The following CWC27 variants were observed in gnomAD, a reference collection of about 807,000 sequenced individuals.
CWC27 encodes CWC27 spliceosome associated cyclophilin, also known as spliceosome-associated protein CWC27 homolog.
Under a neutral mutation model 63.6 loss-of-function variants are expected in CWC27, and 47 were observed. The observed-to-expected ratio is 0.74, with a 90% confidence interval of 0.58 to 0.94. The LOEUF is 0.94. Among genes scored for constraint, CWC27 ranks in the 40% least tolerant of loss-of-function variants. CWC27 has a pLI of 0.00. For synonymous variants in CWC27, 175 were observed against 179.8 expected (o/e 0.97, Z 0.22); for missense variants, 495 against 554.3 (o/e 0.89, Z 1.07).
At chr5:64,850,864 T>A (rs1746115414) in intron 10 of CWC27, among the ~76,000 whole-genome samples, 1 of 151,526 alleles carries the variant, frequency 6.6e-6, no homozygotes, top group Admixed American at 6.6e-5. Context: ...TGATGAGATA[T>A]CACCTCACAC....
At chr5:64,832,399 T>A (rs183164214) in intron 10 of CWC27, among the ~76,000 whole-genome samples, 1 of 151,998 alleles carries the variant, frequency 6.6e-6, no homozygotes, top group East Asian at 1.9e-4. Context: ...TATTATTGTC[T>A]ACTAATAGTT....
intron 13 of CWC27, among the ~76,000 whole-genome samples, chr5:64,997,109 T>C (rs1749647939): frequency 6.6e-6 from 1 of 152,150 alleles, no homozygotes; most frequent in Admixed American, 6.5e-5. Context: ...ATTCAGAAAG[T>C]TATTTAAAAG....
At chr5:64,887,552 G>A (rs1036904978) in intron 11 of CWC27, among the ~76,000 whole-genome samples, 1 of 152,040 alleles carries the variant, frequency 6.6e-6, no homozygotes, top group African/African-American at 2.4e-5. Flanking sequence ...ATTTTTAGTA[G>A]AGACAGGGTT....
intron 13 of CWC27, among the ~76,000 whole-genome samples, chr5:64,991,954 C>T (rs914669868): frequency 6.6e-6 from 1 of 152,084 alleles, no homozygotes; most frequent in Non-Finnish European, 1.5e-5. Context: ...TAAAATTATA[C>T]AGAATAACCG....
intron 10 of CWC27, among the ~76,000 whole-genome samples, chr5:64,815,279 G>A (rs1382301011): frequency 6.6e-6 from 1 of 152,112 alleles, no homozygotes; most frequent in East Asian, 1.9e-4. Context: ...ACATCCTGAT[G>A]GGCAGCTGTG....
intron 10 of CWC27, among the ~76,000 whole-genome samples, chr5:64,852,277 G>C (rs573250797): frequency 1.5e-3 from 224 of 152,246 alleles, no homozygotes; most frequent in African/African-American, 5.1e-3. Flanking sequence ...ACTTTAGGTT[G>C]TATACATACT....
chr5:64,878,498 A>AAAAAAAAAC (rs1746852249), intron 10 of CWC27, among the ~76,000 whole-genome samples: 1 of 145,820 alleles, frequency 6.9e-6, no homozygotes, highest in African/African-American at 2.6e-5. Flanking sequence ...AAAAAAAAAA[A>AAAAAAAAAC]AAGCACCTGT....
chr5:64,901,719 A>G (rs1033370524), intron 11 of CWC27, among the ~76,000 whole-genome samples: 3 of 152,176 alleles, frequency 2.0e-5, no homozygotes, highest in Non-Finnish European at 4.4e-5. Context: ...GAACTTTTTA[A>G]TTTTTAACTT....
At chr5:64,900,471 A>C (rs1347640696) in intron 11 of CWC27, among the ~76,000 whole-genome samples, 2 of 152,098 alleles carry the variant, frequency 1.3e-5, no homozygotes, top group African/African-American at 2.4e-5. Flanking sequence ...CCTTTATCAG[A>C]TATATGATTT....
chr5:64,995,372 T>A lies in CWC27; in HGVS notation c.1256+18134T>A, dbSNP rs188932340. Among the ~76,000 whole-genome samples the A allele has an allele frequency of 8.0e-3, 1,224 of 152,352 alleles. 11 individuals are homozygous for A. Among genetic ancestry groups the A allele is most frequent in the Admixed American group, 0.017 (260 of 15,302 alleles). On this transcript the variant is annotated intron_variant, in intron 13 of 13. Coordinates refer to ENST00000381070, the MANE Select transcript of CWC27 (RefSeq NM_005869.4). Reference sequence around the variant, plus strand: ...TGTTTTGTTAACATGGAGTTTTAAATATTTGCATTGCTAAATTTGCTGATC... The same window carrying A: ...TGTTTTGTTAACATGGAGTTTTAAAAATTTGCATTGCTAAATTTGCTGATC...
At chr5:64,814,954 A>G (rs1488575233) in intron 10 of CWC27, among the ~76,000 whole-genome samples, 1 of 152,090 alleles carries the variant, frequency 6.6e-6, no homozygotes, top group African/African-American at 2.4e-5. Context: ...GATTGGATGT[A>G]GGAGACCTGA....
chr5:64,967,813 A>G (rs902502412), intron 11 of CWC27, among the ~76,000 whole-genome samples: 3 of 152,056 alleles, frequency 2.0e-5, no homozygotes, highest in Non-Finnish European at 4.4e-5. Context: ...ATTTTATATT[A>G]CTAAGAGAAA....
chr5:64,883,055 A>C (rs1207455156), intron 10 of CWC27, among the ~76,000 whole-genome samples: 1 of 152,196 alleles, frequency 6.6e-6, no homozygotes, highest in Non-Finnish European at 1.5e-5. Flanking sequence ...GGCCTCAGGA[A>C]ACTTACAATC....
chr5:64,789,984 T>C (rs1205199630), intron 7 of CWC27, among the ~76,000 whole-genome samples: 2 of 152,164 alleles, frequency 1.3e-5, no homozygotes, highest in East Asian at 3.9e-4. Context: ...ATATGTTCCC[T>C]TATTAGTGAG....
chr5:64,868,901 T>A (rs1424885343), intron 10 of CWC27, among the ~76,000 whole-genome samples: 1 of 152,022 alleles, frequency 6.6e-6, no homozygotes, highest in Non-Finnish European at 1.5e-5. Context: ...CCCTTCCCTC[T>A]GTCAAATTTC....
At chr5:64,957,286 T>C (rs1200837972) in intron 11 of CWC27, among the ~76,000 whole-genome samples, 2 of 152,176 alleles carry the variant, frequency 1.3e-5, no homozygotes, top group African/African-American at 4.8e-5. Flanking sequence ...TGAAGAATTT[T>C]TTTTTTCTTA....
intron 10 of CWC27, among the ~76,000 whole-genome samples, chr5:64,821,320 T>G (rs1454454215): frequency 1.3e-5 from 2 of 152,102 alleles, no homozygotes; most frequent in Non-Finnish European, 2.9e-5. Flanking sequence ...CTTGACCGCA[T>G]GAGCCACCAT....
At chr5:64,991,819 A>G (rs922343517) in intron 13 of CWC27, among the ~76,000 whole-genome samples, 3 of 152,234 alleles carry the variant, frequency 2.0e-5, no homozygotes, top group African/African-American at 7.2e-5. Context: ...AATTGTATTT[A>G]TATTTCATAA....
At chr5:64,825,208 A>G (rs1316092622) in intron 10 of CWC27, among the ~76,000 whole-genome samples, 3 of 152,192 alleles carry the variant, frequency 2.0e-5, no homozygotes, top group Non-Finnish European at 2.9e-5. Flanking sequence ...TGGAGACCGT[A>G]TGTTGCAATG....
Sources: allele counts gnomAD v4.1 joint callset (sites outside exome capture counted in the v4.1 genomes callset), GRCh38; gene constraint gnomAD v4.1.1; transcripts MANE v1.5; gene names NCBI Gene and HGNC (gene_info 2026-07-23, HGNC 2026-07-21).